Variants in ARAP2 observed in about 807,000 individuals in gnomAD.
ARAP2 encodes arf-GAP with Rho-GAP domain, ANK repeat and PH domain-containing protein 2.
ARAP2 carries 148 observed loss-of-function variants against 194.5 expected under a neutral mutation model. The ratio of observed to expected loss-of-function variants is 0.76; its 90% CI spans 0.67 to 0.87. ARAP2 has a LOEUF of 0.87. Among genes scored for constraint, ARAP2 ranks in the 40% least tolerant of loss-of-function variants. The pLI is 0.00. For synonymous variants in ARAP2, 695 were observed against 683.5 expected (o/e 1.02, Z -0.26); for missense variants, 2,128 against 1,989.7 (o/e 1.07, Z -1.32).
intron 5 of ARAP2, among the ~76,000 whole-genome samples, chr4:36,028,572 T>G (rs1193681264): frequency 1.3e-5 from 2 of 151,808 alleles, no homozygotes; most frequent in East Asian, 1.9e-4. Flanking sequence ...CTTTTTCATT[T>G]TCTTTCTTTA....
intron 2 of ARAP2, among the ~76,000 whole-genome samples, chr4:36,053,331 A>AG (rs936988557): frequency 3.3e-5 from 5 of 152,146 alleles, no homozygotes; most frequent in Admixed American, 3.3e-4. Context: ...TAAAAAAAAA[A>AG]AAATTTACAT....
chr4:36,073,913 CCA>C, intron 31 of ARAP2, 90 bp from the exon 32 acceptor site: 1 of 1,431,298 alleles, frequency 7.0e-7, no homozygotes, highest in Non-Finnish European at 9.6e-7. Context: ...TCCCACATAT[CCA>C]CATCAAATGA....
At position 36,212,475 on chromosome 4, in the gene ARAP2, T is replaced by G; in HGVS notation, c.1054A>C (p.Lys352Gln). The G allele has an allele frequency of 3.1e-6, 5 of 1,611,550 alleles. No individual in the cohort carries two copies. Among genetic ancestry groups the G allele is most frequent in the Non-Finnish European group, 3.4e-6 (4 of 1,178,330 alleles). ...RLENSKKRSI[K>Q]NEFLTQGEAL... Reference sequence around the variant, plus strand: ...TCTCCCTGGGTCAAAAATTCATTCTTTATAGATCGCTTCTATTAAAAAAGC... The same window carrying G: ...TCTCCCTGGGTCAAAAATTCATTCTGTATAGATCGCTTCTATTAAAAAAGC... The change falls in exon 5 of 33, where the codon AAG (lysine) becomes CAG (glutamine). Residue 352 changes from lysine to glutamine, a missense_variant. Physicochemically the swap from Lys to Gln is moderately conservative, Grantham distance 53. Coordinates refer to ENST00000303965, the MANE Select transcript of ARAP2 (RefSeq NM_015230.4).
At chr4:36,161,154 C>A (rs147801416) in intron 12 of ARAP2, among the ~76,000 whole-genome samples, 1 of 28,738 alleles carries the variant, frequency 3.5e-5, no homozygotes, top group Non-Finnish European at 5.8e-5. Context: ...CAAACACACA[C>A]ACACACACAC....
At chr4:36,112,024 A>G (rs1010577159) in intron 26 of ARAP2, among the ~76,000 whole-genome samples, 2 of 152,062 alleles carry the variant, frequency 1.3e-5, no homozygotes, top group African/African-American at 4.8e-5. Context: ...TAAGCACTAA[A>G]CAGGGCCCTG....
chr4:36,043,841 G>GGCA (rs1721326493), intron 5 of ARAP2, among the ~76,000 whole-genome samples: 1 of 16,238 alleles, frequency 6.2e-5, no homozygotes, highest in Non-Finnish European at 1.3e-4. Context: ...GAGGGGAGGG[G>GGCA]AGGGGGGAGG....
At chr4:36,050,704 T>C (rs1346669848) in intron 3 of ARAP2, among the ~76,000 whole-genome samples, 31 of 152,226 alleles carry the variant, frequency 2.0e-4, no homozygotes, top group Non-Finnish European at 3.4e-4. Flanking sequence ...TACCATAAAA[T>C]GGGACGTATT....
At chr4:36,007,783 T>C (rs547687703) in intron 9 of ARAP2, among the ~76,000 whole-genome samples, 259 of 152,220 alleles carry the variant, frequency 1.7e-3, no homozygotes, top group South Asian at 2.5e-3. Context: ...TTTTGTTTTG[T>C]TTTGTTTTTC....
At chr4:36,118,578 A>G (rs1721963692) in intron 24 of ARAP2, among the ~76,000 whole-genome samples, 2 of 151,536 alleles carry the variant, frequency 1.3e-5, no homozygotes, top group Middle Eastern at 3.4e-3. Context: ...TGAATATAAA[A>G]GATAAAAAAT....
At chr4:36,078,263 G>A (rs1355991273) in intron 31 of ARAP2, among the ~76,000 whole-genome samples, 3 of 152,078 alleles carry the variant, frequency 2.0e-5, no homozygotes, top group African/African-American at 2.4e-5. Flanking sequence ...GTGTCACAGT[G>A]GAGAAGTACG....
rs749101908 is a variant in ARAP2, at chr4:36,128,687, G to C, written c.3486C>G (p.Leu1162=). 3.1e-6 allele frequency: 5 copies of C among 1,612,420 alleles called. No individual in the cohort carries two copies. The highest frequency in any genetic ancestry group is 1.1e-5 in the South Asian group (1 of 91,032). The change falls in exon 21 of 33, where the codon CTC becomes CTG. Residue 1162 remains leucine, a synonymous_variant. Transcript: ENST00000303965. ...TTGCATCCTTTTTGAAACTCTCCAG[G>C]AGTTCACTTATATGCAAAGGATCAC... ...KNGDPLHISE[L]LESFKKDARS... is the part of the protein sequence containing the mutation.
chr4:36,179,466 A>AT (rs1738724404), intron 8 of ARAP2, among the ~76,000 whole-genome samples: 1 of 152,226 alleles, frequency 6.6e-6, no homozygotes, highest in Non-Finnish European at 1.5e-5. Flanking sequence ...TCATAGCACT[A>AT]TGTGAACAAC....
At chr4:36,214,992 G>A (rs771281904) in intron 2 of ARAP2, among the ~76,000 whole-genome samples, 10 of 152,016 alleles carry the variant, frequency 6.6e-5, no homozygotes, top group Non-Finnish European at 1.2e-4. Flanking sequence ...TTACAGTCTC[G>A]GAAGGAAGAT....
At chr4:36,178,119 A>G in intron 8 of ARAP2, 114 bp from the exon 9 acceptor site, 1 of 888,990 alleles carries the variant, frequency 1.1e-6, no homozygotes, top group Non-Finnish European at 1.6e-6. Context: ...ATTCTTTCCC[A>G]CAACCACAAT....
chr4:36,177,822 C>T lies in ARAP2; in HGVS notation c.1857+5G>A. ...GCAATTTGCAATGACTATAACAGAG[C>T]TCACCTGTTCGTTTTTGCAAAGCCA... On this transcript the variant is annotated splice_donor_5th_base_variant and intron_variant, in intron 9 of 32. Transcript: ENST00000303965. 6.3e-7 allele frequency: 1 copy of T among 1,594,402 alleles called. No homozygotes were observed. Among genetic ancestry groups the T allele is most frequent in the Non-Finnish European group, 8.5e-7 (1 of 1,172,090 alleles).
intron 7 of ARAP2, chr4:36,015,884 G>T (rs900820202): frequency 6.6e-6 from 1 of 152,158 alleles, no homozygotes; most frequent in African/African-American, 2.4e-5. Flanking sequence ...ATCCCAAGAA[G>T]CGTTTGGCAA....
At chr4:36,177,252 G>T (rs997872006) in intron 9 of ARAP2, among the ~76,000 whole-genome samples, 2 of 151,840 alleles carry the variant, frequency 1.3e-5, no homozygotes, top group Non-Finnish European at 2.9e-5. Context: ...AATTTTAATC[G>T]ATTTTATTTA....
At chr4:36,183,970 C>T (rs772108384) in intron 8 of ARAP2, among the ~76,000 whole-genome samples, 22 of 152,144 alleles carry the variant, frequency 1.4e-4, no homozygotes, top group South Asian at 4.1e-4. Flanking sequence ...TCTGTTAAGA[C>T]GCCAAAACTT....
intron 22 of ARAP2, 41 bp downstream of exon 22, chr4:36,124,821 C>T: frequency 1.6e-6 from 2 of 1,214,806 alleles, no homozygotes; most frequent in Non-Finnish European, 2.4e-6. Flanking sequence ...TTATTGAGTG[C>T]TGTGTTTGAA....
Sources: gnomAD v4.1 joint callset for allele counts (sites outside exome capture counted in the v4.1 genomes callset) on GRCh38, gnomAD v4.1.1 for gene constraint, MANE v1.5 for transcripts, NCBI Gene and HGNC (gene_info 2026-07-23, HGNC 2026-07-21) for gene names.